GRIN2B: variants seen among roughly 807,000 people sequenced by gnomAD.
The protein encoded by GRIN2B is glutamate ionotropic receptor NMDA type subunit 2B, also known as glutamate receptor ionotropic, NMDA 2B.
GRIN2B carries 5 observed loss-of-function variants against 114.5 expected under a neutral mutation model. The observed-to-expected ratio is 0.04, with a 90% confidence interval of 0.02 to 0.09. The LOEUF (loss-of-function observed/expected upper bound fraction) is 0.09. Ranked by LOEUF, GRIN2B falls within the 10% of genes least tolerant of loss-of-function variation. The pLI, the probability that GRIN2B is intolerant of heterozygous loss-of-function variation, is 1.00. For missense variants in GRIN2B, 1,108 were observed against 1,943.5 expected, an observed-to-expected ratio of 0.57 and a Z score of 8.08; for synonymous variants, 787 against 745.1, an observed-to-expected ratio of 1.06 and a Z score of -0.92.
intron 4 of GRIN2B, among the ~76,000 whole-genome samples, chr12:13,693,215 T>C (rs896389389): frequency 8.5e-5 from 13 of 152,184 alleles, no homozygotes; most frequent in African/African-American, 3.1e-4. Flanking sequence ...AATTAGCTGA[T>C]GGTCAAATTG....
In GRIN2B at chr12:13,537,726, A is replaced by G. The variant is rs1357609191; in HGVS notation, c.*25057T>C. On this transcript the variant is annotated 3_prime_UTR_variant, in exon 14 of 14. Transcript: ENST00000609686. ...CCTAACCCCTCCAGCCACCCAGGAC[A>G]ATTGAATGAGACTCTCTAGGGGATG... 1 of 152,322 alleles carries G rather than the reference A, an allele frequency of 6.6e-6. No homozygotes were observed. Among genetic ancestry groups the G allele is most frequent in the Non-Finnish European group, 1.5e-5 (1 of 68,124 alleles). The allele number at this position is 152,322 out of a possible 1,614,324, so 9.4% of individuals were successfully genotyped here.
At chr12:13,770,730 A>T (rs1263684995) in intron 3 of GRIN2B, among the ~76,000 whole-genome samples, 1 of 152,118 alleles carries the variant, frequency 6.6e-6, no homozygotes, top group African/African-American at 2.4e-5. Context: ...ATGTGTTCTC[A>T]TTGCTCAGCT....
chr12:13,888,760 G>C (rs925913204), intron 2 of GRIN2B, among the ~76,000 whole-genome samples: 5 of 146,600 alleles, frequency 3.4e-5, no homozygotes, highest in African/African-American at 1.3e-4. Flanking sequence ...ATCATATACA[G>C]TATAAAAGAT....
intron 2 of GRIN2B, among the ~76,000 whole-genome samples, chr12:13,959,613 T>C (rs1867655021): frequency 6.6e-6 from 1 of 151,782 alleles, no homozygotes; most frequent in Non-Finnish European, 1.5e-5. Context: ...GACATTGGCA[T>C]GGAGTGGAAG....
rs1346484141 is a variant in GRIN2B, at chr12:13,537,427, A to G, written c.*25356T>C. The G allele has an allele frequency of 6.6e-6, 1 of 152,106 alleles. No homozygotes were observed. Among genetic ancestry groups the G allele is most frequent in the Non-Finnish European group, 1.5e-5 (1 of 68,008 alleles). 9.4% of individuals were successfully genotyped at this position (152,106 alleles called of 1,614,324 possible). ...ATATCTAGCCGTGTATGCTGGGGAT[A>G]GGCAGAATTAGAGAACGAGGCTGTA... On this transcript the variant is annotated 3_prime_UTR_variant, in exon 14 of 14. Coordinates refer to ENST00000609686, the MANE Select transcript of GRIN2B (RefSeq NM_000834.5).
intron 4 of GRIN2B, among the ~76,000 whole-genome samples, chr12:13,700,037 G>A (rs1950296595): frequency 6.6e-6 from 1 of 151,958 alleles, no homozygotes; most frequent in Admixed American, 6.6e-5. Flanking sequence ...TCTTTTTATT[G>A]TAACTGGGCA....
intron 2 of GRIN2B, among the ~76,000 whole-genome samples, chr12:13,962,089 TACACACACACACACAC>T (rs143658576): frequency 1.4e-5 from 2 of 145,238 alleles, no homozygotes; most frequent in Admixed American, 6.8e-5. Flanking sequence ...CTCTCATACA[TACACACACACACACAC>T]ACACACACAC....
intron 5 of GRIN2B, among the ~76,000 whole-genome samples, chr12:13,655,665 G>A (rs1440343545): frequency 6.6e-6 from 1 of 152,144 alleles, no homozygotes; most frequent in Non-Finnish European, 1.5e-5. Context: ...TGGGCCTCAT[G>A]TTGTTGGCCT....
In GRIN2B at chr12:13,615,127, A is replaced by G; in HGVS notation, c.1641T>C (p.Pro547=). The change falls in exon 8 of 14, where the codon CCT becomes CCC. Residue 547 remains proline (P), a synonymous_variant. Coordinates refer to ENST00000609686, the MANE Select transcript of GRIN2B (RefSeq NM_000834.5). The surrounding 1 kb of genome is among the most constrained non-coding windows in gnomAD (Gnocchi z 5.8). ...CCCATCATTTACCTAAGAAGGCAGA[A>G]GGTGAGACAGTCCCATTGCTGCGTG... ...MVSRSNGTVS[P]SAFLEPFSAD... is the part of the protein sequence containing the mutation. 1 of 1,613,258 alleles carries G rather than the reference A, an allele frequency of 6.2e-7. No homozygotes were observed. Among genetic ancestry groups the G allele is most frequent in the East Asian group, 2.2e-5 (1 of 44,858 alleles).
chr12:13,604,536 C>T (rs1591635015), intron 10 of GRIN2B, among the ~76,000 whole-genome samples: 1 of 152,210 alleles, frequency 6.6e-6, no homozygotes, highest in East Asian at 1.9e-4. Context: ...AGGAACCCTT[C>T]TCCATTTTAA....
chr12:13,827,596 G>A (rs1037199874), intron 3 of GRIN2B, among the ~76,000 whole-genome samples: 2 of 150,004 alleles, frequency 1.3e-5, no homozygotes, highest in African/African-American at 4.9e-5. Context: ...AAGTTCCACT[G>A]AGTCATTTAA....
intron 2 of GRIN2B, among the ~76,000 whole-genome samples, chr12:13,947,426 C>T (rs1458396164): frequency 6.6e-6 from 1 of 152,124 alleles, no homozygotes. Flanking sequence ...AGCAGCAAAA[C>T]CCATGAACCA....
chr12:13,736,183 C>G (rs987101415), intron 4 of GRIN2B, among the ~76,000 whole-genome samples: 1 of 149,202 alleles, frequency 6.7e-6, no homozygotes, highest in Non-Finnish European at 1.5e-5. Flanking sequence ...CACTGAACTC[C>G]TGGATGTACC....
chr12:13,902,630 G>T (rs989735593), intron 2 of GRIN2B, among the ~76,000 whole-genome samples: 10 of 152,224 alleles, frequency 6.6e-5, no homozygotes, highest in African/African-American at 2.2e-4. Flanking sequence ...GGCCAACCTA[G>T]TGAAACCCCG....
intron 2 of GRIN2B, among the ~76,000 whole-genome samples, chr12:13,904,226 T>C (rs1011040548): frequency 1.3e-5 from 2 of 152,082 alleles, no homozygotes; most frequent in African/African-American, 4.8e-5. Flanking sequence ...TTTCTCTCTT[T>C]CTTTCCTTTC....
At chr12:13,716,874 G>A (rs1282951557) in intron 4 of GRIN2B, among the ~76,000 whole-genome samples, 1 of 151,790 alleles carries the variant, frequency 6.6e-6, no homozygotes, top group Non-Finnish European at 1.5e-5. Context: ...TCTGCCTAAG[G>A]TGACTACCCT....
In GRIN2B at chr12:13,718,493, A is replaced by C. The variant is rs546505933; in HGVS notation, c.1010+34824T>G. ...AAAGATGAAGGGGTGGGGTGAGGAG[A>C]AGCCGGACTTGTTACTGGCTTACAC... On this transcript the variant is annotated intron_variant, in intron 4 of 13. Coordinates refer to ENST00000609686, the MANE Select transcript of GRIN2B (RefSeq NM_000834.5). Among the ~76,000 whole-genome samples the C allele has an allele frequency of 9.1e-4, 139 of 152,152 alleles. 1 individual carries two copies. Among genetic ancestry groups the C allele is most frequent in the African/African-American group, 3.2e-3 (134 of 41,550 alleles).
At chr12:13,723,427 C>T (rs532161289) in intron 4 of GRIN2B, among the ~76,000 whole-genome samples, 109 of 151,948 alleles carry the variant, frequency 7.2e-4, no homozygotes, top group African/African-American at 2.5e-3. Flanking sequence ...TCAATTTTCT[C>T]TCCTTCCCTG....
In GRIN2B at chr12:13,618,995, G is replaced by A. The variant is rs75023050; in HGVS notation, c.1126-2338C>T. ...ATCTGTACCCAAAAAGGAAAAAAAA[G>A]AGATTGTTTAATGAATGACTGCCAA... On this transcript the variant is annotated intron_variant, in intron 5 of 13. Transcript: ENST00000609686. Among the ~76,000 whole-genome samples the A allele has an allele frequency of 2.2e-5, 3 of 134,236 alleles. No homozygotes were observed. In the Admixed American group the frequency reaches 2.3e-4, roughly 10 times the overall value. The allele number at this position is 134,236 out of a possible 152,430, so 88.1% of individuals were successfully genotyped here. A position where few individuals can be genotyped will look rare whatever the true frequency, so the allele number is the denominator to read the frequency against.
Sources: allele counts gnomAD v4.1 joint callset (sites outside exome capture counted in the v4.1 genomes callset), GRCh38; gene constraint gnomAD v4.1.1; non-coding constraint Gnocchi (gnomAD v3.1); transcripts MANE v1.5; gene names NCBI Gene and HGNC (gene_info 2026-07-23, HGNC 2026-07-21).